The following MTPN variants were observed in gnomAD, a reference collection of about 807,000 sequenced individuals.
MTPN encodes granule cell differentiation protein.
MTPN carries 2 observed loss-of-function variants against 13.5 expected under a neutral mutation model. That is an observed-to-expected ratio of 0.15 (90% CI 0.06 to 0.47). The LOEUF (loss-of-function observed/expected upper bound fraction) is 0.47. Among genes scored for constraint, MTPN ranks in the 20% least tolerant of loss-of-function variants. MTPN has a pLI of 0.97. For synonymous variants in MTPN, 46 were observed against 51.7 expected, an observed-to-expected ratio of 0.89 and a Z score of 0.48; for missense variants, 79 against 137.9, an observed-to-expected ratio of 0.57 and a Z score of 2.14.
Position 135,977,115 on chromosome 7 carries a change from A to AGGCCGGTT in MTPN, c.-23_-16dup, listed in dbSNP as rs1171753096. ...TTGTCGCACATCACTGCAGCGGGGC[A>AGGCCGGTT]GGCCGGTTGGCCGGGCAGAAGATGA... On this transcript the variant is annotated 5_prime_UTR_variant, in exon 1 of 4. Coordinates refer to ENST00000393085, the MANE Select transcript of MTPN (RefSeq NM_145808.4). 1 of 1,613,856 alleles carries AGGCCGGTT rather than the reference A, an allele frequency of 6.2e-7. No homozygotes were observed. Among genetic ancestry groups the AGGCCGGTT allele is most frequent in the African/African-American group, 1.3e-5 (1 of 74,906 alleles).
At chr7:135,936,304 G>A (rs544111797) in intron 3 of MTPN, among the ~76,000 whole-genome samples, 3 of 152,182 alleles carry the variant, frequency 2.0e-5, no homozygotes, top group Non-Finnish European at 4.4e-5. Context: ...GGTCAACATG[G>A]CGAAACCCCG....
At position 135,927,516 on chromosome 7, in the gene MTPN, C is replaced by A; in HGVS notation, c.*2410G>T. 2 of 1,074,902 alleles carry A rather than the reference C, an allele frequency of 1.9e-6. No individual in the cohort carries two copies. Among genetic ancestry groups the A allele is most frequent in the Non-Finnish European group, 1.4e-6 (1 of 738,328 alleles). The allele number at this position is 1,074,902 out of a possible 1,614,324, so 66.6% of individuals were successfully genotyped here. On this transcript the variant is annotated 3_prime_UTR_variant, in exon 4 of 4. Transcript: ENST00000393085. ...AGTATTACTTCAGTGGAGAACAAAA[C>A]TTACTTAACCTTTCGCTAATGCATG... is the stretch of plus-strand genomic sequence containing the variant.
At chr7:135,975,281 C>A (rs1279930161) in intron 1 of MTPN, among the ~76,000 whole-genome samples, 2 of 152,160 alleles carry the variant, frequency 1.3e-5, no homozygotes, top group East Asian at 3.8e-4. Flanking sequence ...TGAATGTGGA[C>A]CCTGGGAATG....
At chr7:135,950,736 T>C (rs1584812192) in intron 2 of MTPN, 54 bp from the exon 3 acceptor site, 1 of 1,393,312 alleles carries the variant, frequency 7.2e-7, no homozygotes, top group East Asian at 2.3e-5. Flanking sequence ...CTTCCTACTT[T>C]CTAGTTTTAA....
chr7:135,966,439 G>C (rs1799606991), intron 1 of MTPN, among the ~76,000 whole-genome samples: 1 of 151,990 alleles, frequency 6.6e-6, no homozygotes, highest in Non-Finnish European at 1.5e-5. Flanking sequence ...ATATCCCTAA[G>C]CAGGGATATG....
chr7:135,968,303 T>C (rs951085885), intron 1 of MTPN, among the ~76,000 whole-genome samples: 1 of 152,138 alleles, frequency 6.6e-6, no homozygotes, highest in African/African-American at 2.4e-5. Flanking sequence ...ATATTAATTA[T>C]TGCCTGAGGC....
At chr7:135,976,903 C>T (rs1799782429) in intron 1 of MTPN, 126 bp downstream of exon 1, 2 of 915,578 alleles carry the variant, frequency 2.2e-6, no homozygotes, top group South Asian at 2.9e-5. Flanking sequence ...TCCTTGGTGC[C>T]GCCTCCACCC....
At chr7:135,953,415 A>T (rs1474560610) in intron 1 of MTPN, among the ~76,000 whole-genome samples, 1 of 152,094 alleles carries the variant, frequency 6.6e-6, no homozygotes, top group Admixed American at 6.6e-5. Context: ...TAAGAACAGG[A>T]GCTCCATCAC....
At chr7:135,952,663 A>G (rs1799380629) in intron 1 of MTPN, among the ~76,000 whole-genome samples, 1 of 152,086 alleles carries the variant, frequency 6.6e-6, no homozygotes, top group Non-Finnish European at 1.5e-5. Flanking sequence ...GAGGAGCAAA[A>G]CATCCTATAT....
chr7:135,944,002 A>G (rs1181589720), intron 3 of MTPN, among the ~76,000 whole-genome samples: 1 of 152,190 alleles, frequency 6.6e-6, no homozygotes, highest in Non-Finnish European at 1.5e-5. Context: ...ATGCTGGGGT[A>G]TAACTTTTTC....
At chr7:135,942,381 G>C (rs1233221734) in intron 3 of MTPN, among the ~76,000 whole-genome samples, 1 of 152,130 alleles carries the variant, frequency 6.6e-6, no homozygotes, top group Non-Finnish European at 1.5e-5. Context: ...GATGTGCTCG[G>C]CATTTCAGCG....
chr7:135,965,557 A>G (rs973138491), intron 1 of MTPN, among the ~76,000 whole-genome samples: 17 of 152,138 alleles, frequency 1.1e-4, no homozygotes, highest in African/African-American at 4.1e-4. Flanking sequence ...AAAAGTACTG[A>G]TGATTCTTAT....
Position 135,952,575 on chromosome 7 carries a change from C to T in MTPN, c.73-945G>A, listed in dbSNP as rs1156254736. On this transcript the variant is annotated intron_variant, in intron 1 of 3. Coordinates refer to ENST00000393085, the MANE Select transcript of MTPN (RefSeq NM_145808.4). ...TTAGTAACAGAGTAGAGATTTAAAC[C>T]CATTCTCTTTCTGTACCAACATGCT... Among the ~76,000 whole-genome samples the T allele has an allele frequency of 7.2e-5, 11 of 152,124 alleles. 1 individual carries two copies. Among genetic ancestry groups the T allele is most frequent in the African/African-American group, 2.7e-4 (11 of 41,412 alleles).
intron 3 of MTPN, chr7:135,932,474 G>GTA (rs1799038432): frequency 6.6e-6 from 1 of 152,006 alleles, no homozygotes; most frequent in Non-Finnish European, 1.5e-5. Context: ...TTTTTAAAAT[G>GTA]TATATGTCAC....
chr7:135,942,912 G>A (rs147634609), intron 3 of MTPN, among the ~76,000 whole-genome samples: 4 of 152,304 alleles, frequency 2.6e-5, no homozygotes, highest in African/African-American at 4.8e-5. Flanking sequence ...AACAGTTAAC[G>A]ACAATGAACT....
intron 3 of MTPN, among the ~76,000 whole-genome samples, chr7:135,940,217 T>C (rs1354400449): frequency 6.6e-6 from 1 of 152,212 alleles, no homozygotes; most frequent in East Asian, 1.9e-4. Flanking sequence ...AATATTACCA[T>C]AGAACTTAAA....
chr7:135,945,907 T>A lies in MTPN; in HGVS notation c.270+4692A>T, dbSNP rs145103651. The stretch of plus-strand genomic sequence containing the variant: ...TATGGCACATGACTGCACTATGTTT[T>A]TTCCTATACACACATACCTATGATA... On this transcript the variant is annotated intron_variant, in intron 3 of 3. Coordinates refer to ENST00000393085, the MANE Select transcript of MTPN (RefSeq NM_145808.4). 5.8e-4 allele frequency among the ~76,000 whole-genome samples: 89 copies of A among 152,316 alleles called. 1 individual carries two copies. The East Asian group carries it at 0.012, about 20-fold the overall frequency.
At position 135,950,567 on chromosome 7, in the gene MTPN, G is replaced by C. The variant is rs568539584; in HGVS notation, c.270+32C>G. ...AATACTTGGCTTAAACACAGTAATA[G>C]AAAAAGCAATACTATTAGCAATTGA... On this transcript the variant is annotated intron_variant, in intron 3 of 3. Coordinates refer to ENST00000393085, the MANE Select transcript of MTPN (RefSeq NM_145808.4). 3.9e-6 allele frequency: 6 copies of C among 1,519,370 alleles called. No individual in the cohort carries two copies. The East Asian group carries it at 6.8e-5, about 17-fold the overall frequency. The allele number at this position is 1,519,370 out of a possible 1,614,324, so 94.1% of individuals were successfully genotyped here. A position where few individuals can be genotyped will look rare whatever the true frequency, so the allele number is the denominator to read the frequency against.
chr7:135,946,386 T>C (rs193073753), intron 3 of MTPN, among the ~76,000 whole-genome samples: 1 of 152,310 alleles, frequency 6.6e-6, no homozygotes, highest in African/African-American at 2.4e-5. Flanking sequence ...TTGTAGCACT[T>C]AGGGAAGCAT....
Sources: allele counts gnomAD v4.1 joint callset (sites outside exome capture counted in the v4.1 genomes callset), GRCh38; gene constraint gnomAD v4.1.1; transcripts MANE v1.5; gene names NCBI Gene and HGNC (gene_info 2026-07-23, HGNC 2026-07-21).